Variants in KLF12 observed in about 807,000 individuals in gnomAD.
KLF12 encodes the protein KLF transcription factor 12.
In KLF12, 9 loss-of-function variants were observed where a neutral mutation model predicts 37.8. The observed-to-expected ratio is 0.24, with a 90% CI of 0.14 to 0.42. KLF12 has a LOEUF of 0.42. KLF12 is among the 10% of genes least tolerant of loss of function. KLF12 has a pLI of 1.00. For synonymous variants in KLF12, 208 were observed against 202.1 expected, an observed-to-expected ratio of 1.03 and a Z score of -0.25; for missense variants, 411 against 516.0, an observed-to-expected ratio of 0.80 and a Z score of 1.97.
the KLF12 span, among the ~76,000 whole-genome samples, chr13:74,253,237 T>C: frequency 6.6e-6 from 1 of 152,204 alleles, no homozygotes; most frequent in Non-Finnish European, 1.5e-5. Flanking sequence ...AGTCTTAACA[T>C]TACCTATATA....
At chr13:74,133,260 G>A (rs1490126169) in intron 1 of KLF12, among the ~76,000 whole-genome samples, 1 of 151,710 alleles carries the variant, frequency 6.6e-6, no homozygotes, top group East Asian at 1.9e-4. Context: ...CACGGTCCCG[G>A]TGCGGAGCTA....
intron 6 of KLF12, among the ~76,000 whole-genome samples, chr13:73,758,617 C>T (rs566060484): frequency 2.6e-5 from 4 of 152,036 alleles, no homozygotes; most frequent in African/African-American, 7.2e-5. Context: ...GGTTCTGAGC[C>T]GCAGGTTGAT....
At chr13:73,879,616 T>C (rs1456513186) in intron 3 of KLF12, among the ~76,000 whole-genome samples, 1 of 152,208 alleles carries the variant, frequency 6.6e-6, no homozygotes, top group African/African-American at 2.4e-5. Flanking sequence ...TAATTCTATC[T>C]ACATCATGCC....
chr13:74,060,520 G>GTT, intron 1 of KLF12, among the ~76,000 whole-genome samples: 1 of 150,440 alleles, frequency 6.6e-6, no homozygotes, highest in South Asian at 2.1e-4. Flanking sequence ...GTGTGTGTGT[G>GTT]TGTGTGTGTG....
At chr13:74,081,167 C>A (rs573115332) in intron 1 of KLF12, among the ~76,000 whole-genome samples, 2 of 152,224 alleles carry the variant, frequency 1.3e-5, no homozygotes, top group East Asian at 3.9e-4. Context: ...ATAATCTAGC[C>A]CTGCCACATA....
At chr13:73,841,910 ATGTT>A (rs1354310207) in intron 4 of KLF12, among the ~76,000 whole-genome samples, 10 of 152,190 alleles carry the variant, frequency 6.6e-5, no homozygotes, top group Admixed American at 5.9e-4. Context: ...ATTCTAAATT[ATGTT>A]TGTTTACTAT....
chr13:73,879,378 C>A (rs1298594829), intron 3 of KLF12, among the ~76,000 whole-genome samples: 1 of 152,098 alleles, frequency 6.6e-6, no homozygotes, highest in Non-Finnish European at 1.5e-5. Flanking sequence ...TTCTCTTCCA[C>A]CCCAACGTTA....
rs77698309 is a variant in KLF12, at chr13:73,869,153, A to T, written c.124-22780T>A. On this transcript the variant is annotated intron_variant, in intron 3 of 7. Coordinates refer to ENST00000377669, the MANE Select transcript of KLF12 (RefSeq NM_007249.5). ...TTAAAAAAACTTACAGAAACAAAAAAGTCCTTAATTTAGACCTTTCTGCAG... is the reference window on the plus strand; with the variant it reads ...TTAAAAAAACTTACAGAAACAAAAATGTCCTTAATTTAGACCTTTCTGCAG... Among the ~76,000 whole-genome samples, 1,210 of 152,278 alleles carry T rather than the reference A, an allele frequency of 7.9e-3. 8 individuals are homozygous for T. The highest frequency in any genetic ancestry group is 0.029 in the South Asian group (142 of 4,824).
intron 2 of KLF12, among the ~76,000 whole-genome samples, chr13:73,956,474 G>T (rs1386979645): frequency 2.0e-5 from 3 of 151,714 alleles, no homozygotes; most frequent in African/African-American, 7.3e-5. Context: ...AGCATCCTTG[G>T]CTTCTGCCAC....
chr13:73,875,339 T>C (rs1450610415), intron 3 of KLF12, among the ~76,000 whole-genome samples: 2 of 152,186 alleles, frequency 1.3e-5, no homozygotes, highest in Non-Finnish European at 2.9e-5. Context: ...ATAGTTCTAA[T>C]ATTTTTGAAA....
chr13:74,125,270 T>C lies in KLF12; in HGVS notation c.-32+8469A>G, dbSNP rs180830578. Among the ~76,000 whole-genome samples the C allele has an allele frequency of 7.9e-5, 12 of 152,282 alleles. No homozygotes were observed. The East Asian group carries it at 2.1e-3, about 27-fold the overall frequency. On this transcript the variant is annotated intron_variant, in intron 1 of 7. Transcript: ENST00000377669. ...ATATAACGAATCTTTTCCATATATC[T>C]ACTAAAACCCTGAAACCTCAATTTC...
intron 1 of KLF12, among the ~76,000 whole-genome samples, chr13:74,048,567 C>A (rs905556576): frequency 2.6e-5 from 4 of 152,092 alleles, no homozygotes; most frequent in African/African-American, 9.7e-5. Context: ...GAGAGTAGAG[C>A]TTTATCATGT....
intron 3 of KLF12, among the ~76,000 whole-genome samples, chr13:73,906,648 C>T (rs1403558889): frequency 6.6e-6 from 1 of 152,146 alleles, no homozygotes; most frequent in Non-Finnish European, 1.5e-5. Flanking sequence ...TCTGTAACTC[C>T]TTAAGTGTTT....
At chr13:73,974,717 A>G (rs1426019079) in intron 2 of KLF12, among the ~76,000 whole-genome samples, 1 of 152,166 alleles carries the variant, frequency 6.6e-6, no homozygotes, top group Non-Finnish European at 1.5e-5. Context: ...TGTTTAATAT[A>G]CTCAAATATA....
At chr13:73,992,114 G>A (rs1216130067) in intron 2 of KLF12, among the ~76,000 whole-genome samples, 1 of 152,288 alleles carries the variant, frequency 6.6e-6, no homozygotes, top group Non-Finnish European at 1.5e-5. Flanking sequence ...ATGTGGGATG[G>A]GTATGTTCTG....
chr13:74,265,483 C>A, the KLF12 span, among the ~76,000 whole-genome samples: 6 of 152,300 alleles, frequency 3.9e-5, no homozygotes, highest in South Asian at 8.3e-4. Flanking sequence ...ATTTCTAGAC[C>A]TGTGGTCGTT....
intron 4 of KLF12, among the ~76,000 whole-genome samples, chr13:73,841,594 C>G (rs1286076501): frequency 6.6e-6 from 1 of 151,970 alleles, no homozygotes; most frequent in Non-Finnish European, 1.5e-5. Context: ...ACAAACTTAC[C>G]CAAAAAGGAC....
intron 1 of KLF12, among the ~76,000 whole-genome samples, chr13:74,044,737 C>T (rs1385725547): frequency 6.6e-6 from 1 of 151,596 alleles, no homozygotes; most frequent in East Asian, 1.9e-4. Flanking sequence ...CCCAGCTGCT[C>T]GGGAGGCTGA....
the KLF12 span, among the ~76,000 whole-genome samples, chr13:74,154,295 T>G: frequency 2.0e-5 from 3 of 152,188 alleles, no homozygotes; most frequent in Admixed American, 2.0e-4. Flanking sequence ...CTTATAAACA[T>G]AAATTGTATT....
Sources: allele counts gnomAD v4.1 joint callset (sites outside exome capture counted in the v4.1 genomes callset), GRCh38; gene constraint gnomAD v4.1.1; transcripts MANE v1.5; gene names NCBI Gene and HGNC (gene_info 2026-07-23, HGNC 2026-07-21).